Variants in STXBP4 observed in about 807,000 individuals in gnomAD.
The protein encoded by STXBP4 is syntaxin binding protein 4.
In STXBP4, 55 loss-of-function variants were observed where a neutral mutation model predicts 76.1. The observed-to-expected ratio is 0.72, with a 90% confidence interval of 0.58 to 0.91. The LOEUF (loss-of-function observed/expected upper bound fraction) is 0.91. Ranked by LOEUF, STXBP4 falls within the 40% of genes least tolerant of loss-of-function variation. The pLI is 0.00. For synonymous variants in STXBP4, 201 were observed against 220.2 expected (o/e 0.91, Z 0.77); for missense variants, 618 against 636.9 (o/e 0.97, Z 0.32).
chr17:55,171,469 T>A lies in STXBP4; in HGVS notation c.*11558T>A, dbSNP rs565542806. 2 of 152,328 alleles carry A rather than the reference T, an allele frequency of 1.3e-5. No homozygotes were observed. Among genetic ancestry groups the A allele is most frequent in the East Asian group, 3.9e-4 (2 of 5,192 alleles). The allele number at this position is 152,328 out of a possible 1,614,324, so 9.4% of individuals were successfully genotyped here. ...TCTAACATCAGCCAAGATTATTGAT[T>A]TATCTATAAGGAATAATCTGTGAAT... On this transcript the variant is annotated 3_prime_UTR_variant, in exon 18 of 18. Coordinates refer to ENST00000376352, the MANE Select transcript of STXBP4 (RefSeq NM_178509.6).
Position 55,078,064 on chromosome 17 carries a change from A to G in STXBP4, c.1189-14A>G. On this transcript the variant is annotated splice_polypyrimidine_tract_variant and intron_variant, in intron 13 of 17. Coordinates refer to ENST00000376352, the MANE Select transcript of STXBP4 (RefSeq NM_178509.6). ...AAGAAATGTGTAAATGCTCCTTTTGATATCTCTGTGCAGGAAAGTGTTCAG... is the reference window on the plus strand; with the variant it reads ...AAGAAATGTGTAAATGCTCCTTTTGGTATCTCTGTGCAGGAAAGTGTTCAG... 6.5e-7 allele frequency: 1 copy of G among 1,528,458 alleles called. No individual in the cohort carries two copies. The highest frequency in any genetic ancestry group is 8.9e-7 in the Non-Finnish European group (1 of 1,121,230). 94.7% of individuals were successfully genotyped at this position (1,528,458 alleles called of 1,614,324 possible).
intron 1 of STXBP4, among the ~76,000 whole-genome samples, chr17:54,976,910 CT>C (rs1228009118): frequency 6.6e-6 from 1 of 152,164 alleles, no homozygotes; most frequent in Non-Finnish European, 1.5e-5. Context: ...CACTTGCTAC[CT>C]GTTGACCAAC....
rs1217240949 is a variant in STXBP4, at chr17:55,161,405, C to T, written c.*1494C>T. ...AGAGAAGCCCCAGAGGGAGCTATTTCCTTGCACCCCCCAGAGGTGAATGAG... is the reference window on the plus strand; with the variant it reads ...AGAGAAGCCCCAGAGGGAGCTATTTTCTTGCACCCCCCAGAGGTGAATGAG... On this transcript the variant is annotated 3_prime_UTR_variant, in exon 18 of 18. Transcript: ENST00000376352. 2 of 152,184 alleles carry T rather than the reference C, an allele frequency of 1.3e-5. No homozygotes were observed. Among genetic ancestry groups the T allele is most frequent in the Non-Finnish European group, 2.9e-5 (2 of 68,032 alleles). The allele number at this position is 152,184 out of a possible 1,614,324, so 9.4% of individuals were successfully genotyped here.
At chr17:55,011,491 G>C in intron 8 of STXBP4, among the ~76,000 whole-genome samples, 1 of 78,846 alleles carries the variant, frequency 1.3e-5, no homozygotes, top group East Asian at 5.8e-4. Flanking sequence ...TGGGATCAAA[G>C]AGTTTATTTT....
intron 12 of STXBP4, 50 bp from the exon 13 acceptor site, chr17:55,072,850 G>C: frequency 1.3e-6 from 2 of 1,499,676 alleles, no homozygotes; most frequent in East Asian, 2.3e-5. Context: ...ATAAACCTCG[G>C]AACTATTTCT....
At chr17:55,017,777 G>A (rs1340331898) in intron 8 of STXBP4, among the ~76,000 whole-genome samples, 2 of 152,136 alleles carry the variant, frequency 1.3e-5, no homozygotes, top group Non-Finnish European at 2.9e-5. Flanking sequence ...CTAGGCAGAC[G>A]AATGCTCCCA....
intron 16 of STXBP4, among the ~76,000 whole-genome samples, chr17:55,127,176 G>A (rs1328174319): frequency 6.6e-6 from 1 of 152,078 alleles, no homozygotes; most frequent in Non-Finnish European, 1.5e-5. Context: ...GGCAGCCCTT[G>A]ATTTGCTTTC....
chr17:55,179,469 T>C, the STXBP4 span, among the ~76,000 whole-genome samples: 1 of 152,152 alleles, frequency 6.6e-6, no homozygotes, highest in African/African-American at 2.4e-5. Context: ...GACTCTCCTA[T>C]ATAAAACTGA....
chr17:55,130,233 C>G, intron 16 of STXBP4, among the ~76,000 whole-genome samples: 1 of 152,192 alleles, frequency 6.6e-6, no homozygotes, highest in Non-Finnish European at 1.5e-5. Context: ...TTCCGTCATG[C>G]CATGCCAGAC....
intron 17 of STXBP4, among the ~76,000 whole-genome samples, chr17:55,157,793 T>TA (rs754908117): frequency 3.3e-5 from 5 of 152,200 alleles, no homozygotes; most frequent in Non-Finnish European, 5.9e-5. Context: ...CAGTGGAACT[T>TA]ACCATTTGTA....
chr17:54,999,876 G>A, intron 6 of STXBP4, 34 bp downstream of exon 6: 1 of 1,393,958 alleles, frequency 7.2e-7, no homozygotes, highest in Non-Finnish European at 1.0e-6. Flanking sequence ...CTCTATATAT[G>A]CACTCCATAA....
rs566945164 is a variant in STXBP4 at position 55,019,166 on chromosome 17, T to C, written c.666+11569T>C. ...CTACATTATAATATAGTTTGAAGTA[T>C]TTCTACCATCTTATTTTTTATTTTT... On this transcript the variant is annotated intron_variant, in intron 8 of 17. Coordinates refer to ENST00000376352, the MANE Select transcript of STXBP4 (RefSeq NM_178509.6). Among the ~76,000 whole-genome samples the C allele has an allele frequency of 3.9e-4, 60 of 152,370 alleles. No individual in the cohort carries two copies. The South Asian group carries it at 0.012, about 30-fold the overall frequency.
intron 16 of STXBP4, among the ~76,000 whole-genome samples, chr17:55,111,251 C>G (rs2079711311): frequency 6.6e-6 from 1 of 152,166 alleles, no homozygotes; most frequent in Admixed American, 6.5e-5. Flanking sequence ...GATCCAAACT[C>G]TTTACCATTC....
chr17:55,131,919 T>A (rs1356645262), intron 16 of STXBP4, among the ~76,000 whole-genome samples: 1 of 152,146 alleles, frequency 6.6e-6, no homozygotes, highest in East Asian at 1.9e-4. Context: ...CATGCCACTA[T>A]GCCTGGCTAA....
chr17:55,150,715 G>C (rs8067725), intron 17 of STXBP4, among the ~76,000 whole-genome samples: 8,894 of 152,154 alleles, frequency 0.058, 897 homozygotes, highest in African/African-American at 0.2. Context: ...TTTCCATTAG[G>C]CCCTAGTCTT....
chr17:55,012,625 A>T (rs1166869287), intron 8 of STXBP4, among the ~76,000 whole-genome samples: 2 of 152,108 alleles, frequency 1.3e-5, no homozygotes, highest in Non-Finnish European at 2.9e-5. Flanking sequence ...GCATACTCAG[A>T]GTCTGTATAT....
At chr17:55,060,967 C>G (rs2078987580) in intron 12 of STXBP4, among the ~76,000 whole-genome samples, 1 of 152,058 alleles carries the variant, frequency 6.6e-6, no homozygotes, top group South Asian at 2.1e-4. Context: ...CAGTCTTTGC[C>G]CTAAAGAAAC....
chr17:55,079,034 G>C (rs935780731), intron 15 of STXBP4, among the ~76,000 whole-genome samples: 1 of 152,086 alleles, frequency 6.6e-6, no homozygotes, highest in African/African-American at 2.4e-5. Flanking sequence ...TTAAAATTCT[G>C]TAATTGTCTT....
intron 9 of STXBP4, among the ~76,000 whole-genome samples, chr17:55,033,060 T>G (rs555193463): frequency 7.9e-5 from 12 of 151,674 alleles, no homozygotes; most frequent in African/African-American, 2.4e-4. Context: ...AAAAAAGAAA[T>G]AAAGAAGCAC....
Sources: allele counts gnomAD v4.1 joint callset (sites outside exome capture counted in the v4.1 genomes callset), GRCh38; gene constraint gnomAD v4.1.1; transcripts MANE v1.5; gene names NCBI Gene and HGNC (gene_info 2026-07-23, HGNC 2026-07-21).